The following NCAM1 variants were observed in gnomAD, a reference collection of about 807,000 sequenced individuals.
NCAM1 encodes neural cell adhesion molecule 1.
Under a neutral mutation model 109.8 loss-of-function variants are expected in NCAM1, and 14 were observed. The observed-to-expected ratio is 0.13, with a 90% CI of 0.08 to 0.20. The LOEUF (loss-of-function observed/expected upper bound fraction) is 0.20. NCAM1 is among the 10% of genes least tolerant of loss of function. The probability of loss-of-function intolerance (pLI) is 1.00; values close to 1 mark genes in which losing one functional copy is unlikely to be tolerated. For synonymous variants in NCAM1, 418 were observed against 442.9 expected (o/e 0.94, Z 0.70); for missense variants, 774 against 1,109.9 (o/e 0.70, Z 4.30).
intron 1 of NCAM1, among the ~76,000 whole-genome samples, chr11:113,139,184 T>C (rs1555099966): frequency 6.6e-6 from 1 of 152,212 alleles, no homozygotes; most frequent in Non-Finnish European, 1.5e-5. Flanking sequence ...ACTAATGTCA[T>C]TTAGAAATAT....
chr11:113,219,184 AC>A (rs1944617088), intron 8 of NCAM1, among the ~76,000 whole-genome samples: 2 of 152,354 alleles, frequency 1.3e-5, no homozygotes, highest in South Asian at 4.1e-4. Context: ...CATTCTGTGA[AC>A]CTTGAATCTT....
intron 1 of NCAM1, among the ~76,000 whole-genome samples, chr11:113,100,282 C>A (rs1438023286): frequency 6.6e-6 from 1 of 152,126 alleles, no homozygotes; most frequent in Non-Finnish European, 1.5e-5. Context: ...CAAGTGGGTG[C>A]CAGGGCTGGG....
At chr11:113,019,057 C>G (rs1952301066) in intron 1 of NCAM1, among the ~76,000 whole-genome samples, 1 of 151,806 alleles carries the variant, frequency 6.6e-6, no homozygotes, top group Admixed American at 6.6e-5. Context: ...CGTGAAATGC[C>G]CCAAATGAAG....
chr11:113,220,754 C>G (rs1182902830), intron 8 of NCAM1, among the ~76,000 whole-genome samples: 1 of 151,774 alleles, frequency 6.6e-6, no homozygotes, highest in Non-Finnish European at 1.5e-5. Context: ...CTACAGGCGC[C>G]TGCCACCACG....
At chr11:113,072,733 CTT>C (rs11373449) in intron 1 of NCAM1, among the ~76,000 whole-genome samples, 2 of 145,494 alleles carry the variant, frequency 1.4e-5, no homozygotes, top group Admixed American at 6.9e-5. Context: ...CTAGAGTCAT[CTT>C]TTTTTTTTTT....
At chr11:113,196,406 A>G (rs560226882) in intron 1 of NCAM1, among the ~76,000 whole-genome samples, 152 of 152,344 alleles carry the variant, frequency 1.0e-3, no homozygotes, top group Admixed American at 2.0e-3. Flanking sequence ...GGGCCACCTG[A>G]CCACAAACTA....
At chr11:113,205,780 C>G in intron 4 of NCAM1, 114 bp downstream of exon 4, 1 of 1,408,040 alleles carries the variant, frequency 7.1e-7, no homozygotes, top group Non-Finnish European at 9.7e-7. Context: ...TGCCCGAACC[C>G]TCATGTGGTT....
rs150548348 is a variant in NCAM1, at chr11:113,118,484, C to T, written c.53-83895C>T. On this transcript the variant is annotated intron_variant, in intron 1 of 19. Coordinates refer to ENST00000316851, the MANE Select transcript of NCAM1 (RefSeq NM_181351.5). ...AAGCACCTGCCTCATTCACAGCCCT[C>T]GGTGCTTTTGAGAATGAAAAGGGGA... is the stretch of plus-strand genomic sequence containing the variant. Among the ~76,000 whole-genome samples, 532 of 152,086 alleles carry T rather than the reference C, an allele frequency of 3.5e-3. 2 individuals carry two copies. The highest frequency in any genetic ancestry group is 5.8e-3 in the Non-Finnish European group (393 of 68,024).
chr11:113,145,213 A>G (rs1941973656), intron 1 of NCAM1, among the ~76,000 whole-genome samples: 1 of 152,250 alleles, frequency 6.6e-6, no homozygotes, highest in Admixed American at 6.5e-5. Context: ...GTAAACATAT[A>G]ATAATATGAA....
At chr11:113,113,278 T>C (rs1424410562) in intron 1 of NCAM1, among the ~76,000 whole-genome samples, 1 of 152,182 alleles carries the variant, frequency 6.6e-6, no homozygotes, top group Non-Finnish European at 1.5e-5. Context: ...ATAGATTATT[T>C]TGGGGGGTGG....
At chr11:113,241,069 C>T (rs1247770004) in intron 14 of NCAM1, among the ~76,000 whole-genome samples, 1 of 152,170 alleles carries the variant, frequency 6.6e-6, no homozygotes, top group Non-Finnish European at 1.5e-5. Context: ...GATAGAAAAC[C>T]CTGCAGGCAG....
chr11:113,117,205 A>G (rs1314083192), intron 1 of NCAM1, among the ~76,000 whole-genome samples: 1 of 152,028 alleles, frequency 6.6e-6, no homozygotes, highest in African/African-American at 2.4e-5. Flanking sequence ...AAAAACTGTT[A>G]TGAGGGAGCA....
At chr11:113,103,139 G>A (rs189430777) in intron 1 of NCAM1, among the ~76,000 whole-genome samples, 88 of 152,312 alleles carry the variant, frequency 5.8e-4, no homozygotes, top group Middle Eastern at 3.4e-3. Flanking sequence ...CACTTTGGCT[G>A]TTGTCAGTGA....
intron 1 of NCAM1, among the ~76,000 whole-genome samples, chr11:112,994,974 T>C (rs1951554809): frequency 6.6e-6 from 1 of 152,272 alleles, no homozygotes; most frequent in East Asian, 1.9e-4. Flanking sequence ...ACCCCAAAGT[T>C]TGAGGGACTC....
chr11:113,114,853 A>G (rs1481677282), intron 1 of NCAM1, among the ~76,000 whole-genome samples: 3 of 152,220 alleles, frequency 2.0e-5, no homozygotes, highest in African/African-American at 4.8e-5. Flanking sequence ...ACATGCATCA[A>G]AATTTTGTAT....
chr11:113,152,488 A>G (rs535631972), intron 1 of NCAM1, among the ~76,000 whole-genome samples: 4 of 152,252 alleles, frequency 2.6e-5, no homozygotes, highest in Non-Finnish European at 5.9e-5. Flanking sequence ...GCGTATTTCC[A>G]ACATGTTCTC....
chr11:113,094,322 T>G (rs1208693813), intron 1 of NCAM1, among the ~76,000 whole-genome samples: 1 of 152,236 alleles, frequency 6.6e-6, no homozygotes, highest in African/African-American at 2.4e-5. Flanking sequence ...ACGATAGACA[T>G]CAGGCTGATT....
chr11:113,250,068 C>T (rs536328987), intron 15 of NCAM1, among the ~76,000 whole-genome samples: 1 of 152,286 alleles, frequency 6.6e-6, no homozygotes, highest in African/African-American at 2.4e-5. Context: ...TCTGGTCACT[C>T]AGGCACAAGC....
chr11:113,134,875 A>G (rs1464113353), intron 1 of NCAM1, among the ~76,000 whole-genome samples: 5 of 152,192 alleles, frequency 3.3e-5, no homozygotes, highest in African/African-American at 1.2e-4. Flanking sequence ...ATTTTATTGC[A>G]GTAATCCATA....
Sources: allele counts gnomAD v4.1 joint callset (sites outside exome capture counted in the v4.1 genomes callset), GRCh38; gene constraint gnomAD v4.1.1; transcripts MANE v1.5; gene names NCBI Gene and HGNC (gene_info 2026-07-23, HGNC 2026-07-21).